KCTD8: variants seen among roughly 807,000 people sequenced by gnomAD.
The protein encoded by KCTD8 is BTB/POZ domain-containing protein KCTD8.
KCTD8 carries 27 observed loss-of-function variants against 31.5 expected under a neutral mutation model. The observed-to-expected ratio is 0.86, with a 90% CI of 0.63 to 1.18. The LOEUF is 1.18. Among genes scored for constraint, KCTD8 ranks in the 50% most tolerant of loss-of-function variants. The pLI is 0.00. For synonymous variants in KCTD8, 290 were observed against 280.0 expected, an observed-to-expected ratio of 1.04 and a Z score of -0.36; for missense variants, 658 against 647.7, an observed-to-expected ratio of 1.02 and a Z score of -0.17.
At chr4:44,407,009 G>A (rs982327362) in intron 1 of KCTD8, among the ~76,000 whole-genome samples, 7 of 152,176 alleles carry the variant, frequency 4.6e-5, no homozygotes, top group Non-Finnish European at 1.0e-4. Context: ...CAACACTTGA[G>A]TTCAAGTCTA....
chr4:44,380,917 A>AT (rs1211081792), intron 1 of KCTD8, among the ~76,000 whole-genome samples: 1 of 151,872 alleles, frequency 6.6e-6, no homozygotes, highest in Non-Finnish European at 1.5e-5. Flanking sequence ...CCTTCCTTTA[A>AT]TTTTTTTACA....
At chr4:44,301,402 T>C (rs1053622477) in intron 1 of KCTD8, among the ~76,000 whole-genome samples, 1 of 152,154 alleles carries the variant, frequency 6.6e-6, no homozygotes, top group African/African-American at 2.4e-5. Context: ...TTTTAATGAT[T>C]GCCATTCTAA....
chr4:44,258,575 T>A (rs1716064574), intron 1 of KCTD8, among the ~76,000 whole-genome samples: 1 of 151,930 alleles, frequency 6.6e-6, no homozygotes, highest in South Asian at 2.1e-4. Context: ...ATGGAGGTGA[T>A]TCAACTCCTT....
At chr4:44,194,716 T>C (rs1713878747) in intron 1 of KCTD8, among the ~76,000 whole-genome samples, 2 of 151,130 alleles carry the variant, frequency 1.3e-5, no homozygotes, top group African/African-American at 4.9e-5. Flanking sequence ...TATGTGCTAC[T>C]TGAATGAAAA....
At chr4:44,315,887 G>T (rs931926528) in intron 1 of KCTD8, among the ~76,000 whole-genome samples, 2 of 151,946 alleles carry the variant, frequency 1.3e-5, no homozygotes, top group Admixed American at 1.3e-4. Flanking sequence ...TTTCTAAATA[G>T]TTTTAAGGTT....
chr4:44,277,653 T>C (rs1294558367), intron 1 of KCTD8, among the ~76,000 whole-genome samples: 1 of 151,930 alleles, frequency 6.6e-6, no homozygotes, highest in African/African-American at 2.4e-5. Context: ...ATTAATTAAT[T>C]AATAATTAAT....
chr4:44,443,954 C>T (rs1468508595), intron 1 of KCTD8, among the ~76,000 whole-genome samples: 1 of 152,096 alleles, frequency 6.6e-6, no homozygotes, highest in Non-Finnish European at 1.5e-5. Context: ...CAATAAATCA[C>T]TGTTTTTCCC....
At chr4:44,325,125 A>G (rs1054255623) in intron 1 of KCTD8, among the ~76,000 whole-genome samples, 32 of 151,902 alleles carry the variant, frequency 2.1e-4, no homozygotes, top group African/African-American at 7.3e-4. Flanking sequence ...TTTAAATGCA[A>G]TTGTCTGTTT....
intron 1 of KCTD8, among the ~76,000 whole-genome samples, chr4:44,334,117 T>G (rs954098628): frequency 6.6e-6 from 1 of 152,078 alleles, no homozygotes; most frequent in African/African-American, 2.4e-5. Flanking sequence ...TATATTGAAC[T>G]TAGCACCCTA....
intron 1 of KCTD8, among the ~76,000 whole-genome samples, chr4:44,257,125 A>T (rs1408276901): frequency 6.6e-6 from 1 of 151,988 alleles, no homozygotes; most frequent in East Asian, 1.9e-4. Context: ...AGGGAGAAAA[A>T]GAGGTGCTGT....
chr4:44,208,165 T>G (rs1392895083), intron 1 of KCTD8, among the ~76,000 whole-genome samples: 1 of 152,194 alleles, frequency 6.6e-6, no homozygotes, highest in African/African-American at 2.4e-5. Context: ...AGAAATTTTC[T>G]CAAATTCCCC....
chr4:44,312,754 A>C (rs1717991835), intron 1 of KCTD8, among the ~76,000 whole-genome samples: 2 of 152,260 alleles, frequency 1.3e-5, no homozygotes, highest in East Asian at 3.9e-4. Context: ...TTGATATTTT[A>C]TACAGGCTTT....
At chr4:44,421,755 G>A (rs1721217788) in intron 1 of KCTD8, among the ~76,000 whole-genome samples, 2 of 151,896 alleles carry the variant, frequency 1.3e-5, no homozygotes, top group Admixed American at 1.3e-4. Flanking sequence ...CAAAATCCTT[G>A]GAAATAATGG....
chr4:44,268,177 T>C (rs1716452581), intron 1 of KCTD8, among the ~76,000 whole-genome samples: 1 of 151,998 alleles, frequency 6.6e-6, no homozygotes, highest in South Asian at 2.1e-4. Flanking sequence ...CAGCAACACA[T>C]CAAAAAGCTT....
intron 1 of KCTD8, among the ~76,000 whole-genome samples, chr4:44,347,236 C>T (rs528157700): frequency 6.6e-6 from 1 of 152,312 alleles, no homozygotes; most frequent in East Asian, 1.9e-4. Flanking sequence ...GCGTTGAGTA[C>T]ACCTAATAAA....
At chr4:44,356,135 T>C (rs1351068126) in intron 1 of KCTD8, among the ~76,000 whole-genome samples, 1 of 152,208 alleles carries the variant, frequency 6.6e-6, no homozygotes, top group South Asian at 2.1e-4. Context: ...CAACTTATTC[T>C]GAATCTTTCA....
At chr4:44,205,181 T>C (rs1312859412) in intron 1 of KCTD8, among the ~76,000 whole-genome samples, 1 of 152,024 alleles carries the variant, frequency 6.6e-6, no homozygotes, top group Non-Finnish European at 1.5e-5. Context: ...CCTAAATAAT[T>C]TGGAAAAGGA....
intron 1 of KCTD8, among the ~76,000 whole-genome samples, chr4:44,301,569 T>C (rs1053552121): frequency 2.0e-5 from 3 of 152,154 alleles, no homozygotes; most frequent in Non-Finnish European, 4.4e-5. Flanking sequence ...GGGTTGTTTC[T>C]TTTTTTCTTG....
rs151062882 is a variant in KCTD8 at position 44,447,777 on chromosome 4, C to G, written c.747G>C (p.Gly249=). ...GGTCGCGGCTCTCGTTGAGCGTGTC[C>G]CCGAAGACCTCCTTGGCCAGCGCGA... ...GRIALAKEVF[G]DTLNESRDPD... The change falls in exon 1 of 2, where the codon GGG becomes GGC. Residue 249 remains glycine (G), a synonymous_variant. Transcript: ENST00000360029. 2 of 1,610,636 alleles carry G rather than the reference C, an allele frequency of 1.2e-6. No homozygotes were observed. Among genetic ancestry groups the G allele is most frequent in the African/African-American group, 2.7e-5 (2 of 74,864 alleles).
Sources: gnomAD v4.1 joint callset for allele counts (sites outside exome capture counted in the v4.1 genomes callset) on GRCh38, gnomAD v4.1.1 for gene constraint, MANE v1.5 for transcripts, NCBI Gene and HGNC (gene_info 2026-07-23, HGNC 2026-07-21) for gene names.